ASTN2: variants seen among roughly 807,000 people sequenced by gnomAD.
ASTN2 encodes the protein astrotactin 2.
In ASTN2, 54 loss-of-function variants were observed where a neutral mutation model predicts 139.8. The ratio of observed to expected loss-of-function variants is 0.39; its 90% CI spans 0.31 to 0.48. The LOEUF (loss-of-function observed/expected upper bound fraction) is 0.48. Ranked by LOEUF, ASTN2 falls within the 20% of genes least tolerant of loss-of-function variation. The pLI, the probability that ASTN2 is intolerant of heterozygous loss-of-function variation, is 0.95. For synonymous variants in ASTN2, 756 were observed against 719.5 expected (o/e 1.05, Z -0.81); for missense variants, 1,565 against 1,725.1 (o/e 0.91, Z 1.64).
chr9:117,005,292 T>A (rs1336916523), intron 7 of ASTN2, among the ~76,000 whole-genome samples: 2 of 151,660 alleles, frequency 1.3e-5, no homozygotes, highest in Non-Finnish European at 2.9e-5. Context: ...TTTCACCATG[T>A]TGGCCAGGAT....
chr9:116,877,357 G>A (rs904395329), intron 10 of ASTN2, among the ~76,000 whole-genome samples: 3 of 152,154 alleles, frequency 2.0e-5, no homozygotes, highest in African/African-American at 7.2e-5. Flanking sequence ...AACACAGGTA[G>A]TTATTGGAAC....
At chr9:116,740,258 C>T (rs193163656) in intron 13 of ASTN2, among the ~76,000 whole-genome samples, 147 of 152,302 alleles carry the variant, frequency 9.7e-4, no homozygotes, top group Middle Eastern at 3.4e-3. Flanking sequence ...CCAGTTTTCC[C>T]CAGTTGAAAT....
chr9:116,835,352 C>CT (rs5900235), intron 11 of ASTN2, among the ~76,000 whole-genome samples: 36,021 of 152,050 alleles, frequency 0.24, 4,899 homozygotes, highest in East Asian at 0.5. Context: ...AAACACGTTT[C>CT]TTGACATATT....
intron 13 of ASTN2, among the ~76,000 whole-genome samples, chr9:116,799,716 G>GGGGGGGGGAA (rs1588302594): frequency 7.1e-6 from 1 of 141,386 alleles, no homozygotes; most frequent in African/African-American, 2.6e-5. Flanking sequence ...TGGGGGGGGG[G>GGGGGGGGGAA]AGAATAAAAA....
rs139066565 is a variant in ASTN2, at chr9:116,912,780, G to T, written c.1890-49047C>A. ...CAATTCATCTGTGGCTGGGGCTCGTGAGGTGGGTTCACTCTAAGTGGGGGT... is the reference window on the plus strand; with the variant it reads ...CAATTCATCTGTGGCTGGGGCTCGTTAGGTGGGTTCACTCTAAGTGGGGGT... On this transcript the variant is annotated intron_variant, in intron 10 of 22. Coordinates refer to ENST00000313400, the MANE Select transcript of ASTN2 (RefSeq NM_001365068.1). Among the ~76,000 whole-genome samples the T allele has an allele frequency of 1.1e-3, 160 of 152,270 alleles. 1 individual carries two copies. Among genetic ancestry groups the T allele is most frequent in the African/African-American group, 3.7e-3 (154 of 41,550 alleles).
chr9:117,348,895 A>AC (rs1432795593), intron 1 of ASTN2, among the ~76,000 whole-genome samples: 1 of 151,382 alleles, frequency 6.6e-6, no homozygotes, highest in Non-Finnish European at 1.5e-5. Context: ...AAAAAAAAAA[A>AC]AAAAAGTGTG....
At chr9:116,484,627 G>C (rs918701789) in intron 20 of ASTN2, among the ~76,000 whole-genome samples, 3 of 152,152 alleles carry the variant, frequency 2.0e-5, no homozygotes, top group Non-Finnish European at 4.4e-5. Context: ...CAACACCCTG[G>C]TTCCTGGTCA....
intron 1 of ASTN2, among the ~76,000 whole-genome samples, chr9:117,346,777 C>T (rs1171216093): frequency 1.3e-5 from 2 of 152,094 alleles, no homozygotes; most frequent in Non-Finnish European, 2.9e-5. Flanking sequence ...GTATTAAAAT[C>T]ATACAGACAT....
At chr9:116,534,065 C>T (rs1055776134) in intron 19 of ASTN2, among the ~76,000 whole-genome samples, 1 of 152,116 alleles carries the variant, frequency 6.6e-6, no homozygotes, top group Non-Finnish European at 1.5e-5. Flanking sequence ...TTCAGGGATT[C>T]AACTTCTTCC....
At chr9:116,729,785 A>C (rs1343151487) in intron 14 of ASTN2, among the ~76,000 whole-genome samples, 3 of 152,254 alleles carry the variant, frequency 2.0e-5, no homozygotes, top group Admixed American at 1.3e-4. Flanking sequence ...TAAGACTGAG[A>C]AGCACAGGCA....
intron 1 of ASTN2, among the ~76,000 whole-genome samples, chr9:117,374,369 T>TAAAAAAAAAAAAAAAAAAAAAA (rs57428022): frequency 5.7e-5 from 5 of 87,328 alleles, no homozygotes; most frequent in African/African-American, 2.8e-4. Flanking sequence ...AGGGCAGGGT[T>TAAAAAAAAAAAAAAAAAAAAAA]AAAAAAAAAA....
At chr9:117,314,029 C>G (rs1048334160) in intron 1 of ASTN2, among the ~76,000 whole-genome samples, 1 of 152,158 alleles carries the variant, frequency 6.6e-6, no homozygotes, top group African/African-American at 2.4e-5. Flanking sequence ...TTTTCCCTAA[C>G]TAACAGGCAG....
chr9:116,446,197 G>A (rs1847983136), intron 20 of ASTN2, among the ~76,000 whole-genome samples: 1 of 151,500 alleles, frequency 6.6e-6, no homozygotes, highest in Non-Finnish European at 1.5e-5. Flanking sequence ...TACAGCAGGA[G>A]AGTGAAAGAG....
chr9:117,237,742 G>A (rs1298029753), intron 2 of ASTN2, among the ~76,000 whole-genome samples: 1 of 152,212 alleles, frequency 6.6e-6, no homozygotes, highest in Non-Finnish European at 1.5e-5. Flanking sequence ...GCCTCTCAAA[G>A]TGCTGGGATT....
intron 7 of ASTN2, among the ~76,000 whole-genome samples, chr9:116,999,323 G>T (rs181179197): frequency 6.6e-6 from 1 of 152,054 alleles, no homozygotes; most frequent in East Asian, 1.9e-4. Context: ...AGCCTTGGTG[G>T]GTCTTGGTCT....
intron 2 of ASTN2, among the ~76,000 whole-genome samples, chr9:117,287,504 C>A (rs1834480628): frequency 6.6e-6 from 1 of 152,080 alleles, no homozygotes; most frequent in African/African-American, 2.4e-5. Flanking sequence ...ATTGGGTTTG[C>A]CACTTAACCT....
chr9:117,208,536 G>A (rs1043484814), intron 3 of ASTN2, among the ~76,000 whole-genome samples: 1 of 152,042 alleles, frequency 6.6e-6, no homozygotes, highest in African/African-American at 2.4e-5. Context: ...TATTAGGGGT[G>A]TTTCAGAAGA....
intron 7 of ASTN2, among the ~76,000 whole-genome samples, chr9:116,981,304 C>A (rs1261722765): frequency 6.6e-6 from 1 of 152,132 alleles, no homozygotes; most frequent in African/African-American, 2.4e-5. Flanking sequence ...ATACATATAT[C>A]ATGATTACCA....
chr9:116,577,950 G>A (rs577463268), intron 19 of ASTN2, among the ~76,000 whole-genome samples: 113 of 152,236 alleles, frequency 7.4e-4, no homozygotes, highest in Non-Finnish European at 1.4e-3. Context: ...GGATGGGAGA[G>A]GAGATCATTG....
Sources: allele counts gnomAD v4.1 joint callset (sites outside exome capture counted in the v4.1 genomes callset), GRCh38; gene constraint gnomAD v4.1.1; transcripts MANE v1.5; gene names NCBI Gene and HGNC (gene_info 2026-07-23, HGNC 2026-07-21).